KCNN2: variants seen among roughly 807,000 people sequenced by gnomAD.
KCNN2 encodes the protein small conductance calcium-activated potassium channel protein 2.
In KCNN2, 24 loss-of-function variants were observed where a neutral mutation model predicts 55.5. The observed-to-expected ratio is 0.43, with a 90% CI of 0.31 to 0.61. KCNN2 has a LOEUF of 0.61. Ranked by LOEUF, KCNN2 falls within the 20% of genes least tolerant of loss-of-function variation. The pLI, the probability that KCNN2 is intolerant of heterozygous loss-of-function variation, is 0.08. For missense variants in KCNN2, 754 were observed against 853.6 expected (o/e 0.88, Z 1.45); for synonymous variants, 431 against 336.1 (o/e 1.28, Z -3.09).
chr5:114,225,114 T>A (rs1754214151), intron 2 of KCNN2, among the ~76,000 whole-genome samples: 1 of 152,224 alleles, frequency 6.6e-6, no homozygotes, highest in Non-Finnish European at 1.5e-5. Context: ...TTAAAAGCTT[T>A]AATTGATATC....
At chr5:114,176,098 A>G (rs1244986829) in intron 1 of KCNN2, among the ~76,000 whole-genome samples, 1 of 152,144 alleles carries the variant, frequency 6.6e-6, no homozygotes, top group Non-Finnish European at 1.5e-5. Context: ...TGACCTCAGC[A>G]CTGATGACAT....
At chr5:114,289,521 C>T (rs552007730) in intron 2 of KCNN2, among the ~76,000 whole-genome samples, 10 of 152,052 alleles carry the variant, frequency 6.6e-5, no homozygotes, top group South Asian at 2.1e-4. Flanking sequence ...GGATTACAGG[C>T]GTGCACCACC....
rs761175511 is a variant in KCNN2 at position 114,463,173 on chromosome 5, T to C, written c.1762T>C (p.Leu588=). Residue 588 remains leucine, a synonymous_variant, in exon 4 of 8, where the codon TTA becomes CTA. Coordinates refer to ENST00000673685, the MANE Select transcript of KCNN2 (RefSeq NM_021614.4). ...PNTYCGKGVC[L]LTGIMGAGCT... The stretch of plus-strand genomic sequence containing the variant: ...CACATACTGTGGAAAAGGAGTCTGC[T>C]TACTTACTGGAATTATGGTAAGTGT... The C allele has an allele frequency of 8.7e-6, 14 of 1,611,620 alleles. No homozygotes were observed. Among genetic ancestry groups the C allele is most frequent in the Non-Finnish European group, 1.2e-5 (14 of 1,179,058 alleles).
intron 2 of KCNN2, among the ~76,000 whole-genome samples, chr5:114,350,695 T>C (rs946227907): frequency 6.6e-6 from 1 of 151,868 alleles, no homozygotes; most frequent in Non-Finnish European, 1.5e-5. Context: ...TTCCTAGCAC[T>C]TTTTGTGGAA....
At chr5:114,457,521 GCATACT>G (rs1760985648) in intron 3 of KCNN2, among the ~76,000 whole-genome samples, 1 of 152,058 alleles carries the variant, frequency 6.6e-6, no homozygotes, top group East Asian at 1.9e-4. Flanking sequence ...ACACACTTAG[GCATACT>G]ATACCTATGT....
Position 114,404,299 on chromosome 5 carries a change from C to G in KCNN2, c.1219-139C>G, listed in dbSNP as rs1002110031. The G allele has an allele frequency of 4.7e-6, 3 of 643,196 alleles. No homozygotes were observed. The South Asian group carries it at 6.2e-5, about 13-fold the overall frequency. The allele number at this position is 643,196 out of a possible 1,614,324, so 39.8% of individuals were successfully genotyped here. On this transcript the variant is annotated intron_variant, in intron 2 of 7. Coordinates refer to ENST00000673685, the MANE Select transcript of KCNN2 (RefSeq NM_021614.4). ...ATACCCTTTACTAAAAATAGTATAC[C>G]TGGCTAGCATTTAAAAGTTATAACC...
intron 1 of KCNN2, among the ~76,000 whole-genome samples, chr5:114,130,875 T>C (rs1293477150): frequency 6.6e-6 from 1 of 152,174 alleles, no homozygotes; most frequent in African/African-American, 2.4e-5. Context: ...ACAGCAGTCA[T>C]TCAAAAAAGC....
intron 3 of KCNN2, among the ~76,000 whole-genome samples, chr5:114,407,165 C>G (rs1461077444): frequency 2.0e-5 from 3 of 152,000 alleles, no homozygotes; most frequent in Non-Finnish European, 4.4e-5. Flanking sequence ...TGGACCTGTT[C>G]AATCTCGAAA....
intron 2 of KCNN2, among the ~76,000 whole-genome samples, chr5:114,388,902 G>A (rs1353895582): frequency 6.6e-6 from 1 of 152,102 alleles, no homozygotes; most frequent in Non-Finnish European, 1.5e-5. Context: ...CATTTGAAAA[G>A]AGGATCAATT....
At chr5:114,169,993 C>A (rs1256136869) in intron 1 of KCNN2, among the ~76,000 whole-genome samples, 1 of 152,038 alleles carries the variant, frequency 6.6e-6, no homozygotes, top group Non-Finnish European at 1.5e-5. Context: ...TGCACACCTT[C>A]CTGCTATTGT....
chr5:114,476,675 C>G (rs1273712364), intron 5 of KCNN2, among the ~76,000 whole-genome samples: 1 of 152,102 alleles, frequency 6.6e-6, no homozygotes, highest in Non-Finnish European at 1.5e-5. Context: ...CCTGCCTTAG[C>G]CTCCCAAAGT....
At chr5:114,110,381 G>C (rs780030690) in intron 1 of KCNN2, among the ~76,000 whole-genome samples, 1 of 152,034 alleles carries the variant, frequency 6.6e-6, no homozygotes, top group Non-Finnish European at 1.5e-5. Context: ...ACCAGGTGAA[G>C]ACCAGCTCAG....
chr5:114,306,086 G>A (rs1049889763), intron 2 of KCNN2, among the ~76,000 whole-genome samples: 2 of 152,184 alleles, frequency 1.3e-5, no homozygotes, highest in Admixed American at 1.3e-4. Flanking sequence ...ACAGAGAGAA[G>A]TAGAGTTGTC....
At chr5:114,394,369 G>T (rs981845610) in intron 2 of KCNN2, among the ~76,000 whole-genome samples, 11 of 152,078 alleles carry the variant, frequency 7.2e-5, no homozygotes, top group Non-Finnish European at 1.5e-5. Flanking sequence ...GAACTTTTAT[G>T]TATTAGGGAG....
chr5:114,388,485 G>A (rs558469624), intron 2 of KCNN2, among the ~76,000 whole-genome samples: 2 of 152,052 alleles, frequency 1.3e-5, no homozygotes, highest in East Asian at 1.9e-4. Context: ...TTGATGTCCC[G>A]CATTTTATTC....
intron 3 of KCNN2, among the ~76,000 whole-genome samples, chr5:114,413,553 C>CT (rs1205596177): frequency 6.6e-6 from 1 of 152,178 alleles, no homozygotes. Flanking sequence ...TCTCAAAGTG[C>CT]TGGGATTACA....
chr5:114,180,155 T>C (rs370984737), intron 1 of KCNN2, among the ~76,000 whole-genome samples: 1 of 152,176 alleles, frequency 6.6e-6, no homozygotes, highest in East Asian at 1.9e-4. Context: ...ACAGTTTGAG[T>C]TGACAAATTC....
At position 114,486,975 on chromosome 5, in the gene KCNN2, G is replaced by C. The variant is rs1747582382; in HGVS notation, c.1891-75G>C. ...AGCTCACCATGATCCTTGGGATGAA[G>C]ACTATGACCCCCAGCAAAGTTACAA... On this transcript the variant is annotated intron_variant, in intron 5 of 7. Coordinates refer to ENST00000673685, the MANE Select transcript of KCNN2 (RefSeq NM_021614.4). The C allele has an allele frequency of 5.2e-6, 8 of 1,533,118 alleles. No homozygotes were observed. In the Middle Eastern group the frequency reaches 5.1e-4, roughly 98 times the overall value. 95.0% of individuals were successfully genotyped at this position (1,533,118 alleles called of 1,614,324 possible).
At chr5:114,444,665 AT>A (rs757472507) in intron 3 of KCNN2, among the ~76,000 whole-genome samples, 25 of 152,112 alleles carry the variant, frequency 1.6e-4, no homozygotes, top group Non-Finnish European at 3.2e-4. Flanking sequence ...GCACCTTGGT[AT>A]TTGGAAATAC....
Sources: allele counts gnomAD v4.1 joint callset (sites outside exome capture counted in the v4.1 genomes callset), GRCh38; gene constraint gnomAD v4.1.1; transcripts MANE v1.5; gene names NCBI Gene and HGNC (gene_info 2026-07-23, HGNC 2026-07-21).